The following SINHCAF variants were observed in gnomAD, a reference collection of about 807,000 sequenced individuals.
The protein encoded by SINHCAF is SIN3-HDAC complex associated factor.
Under a neutral mutation model 25.8 loss-of-function variants are expected in SINHCAF, and 3 were observed. The ratio of observed to expected loss-of-function variants is 0.12; its 90% CI spans 0.05 to 0.30. The LOEUF is 0.30. Ranked by LOEUF, SINHCAF falls within the 10% of genes least tolerant of loss-of-function variation. SINHCAF has a pLI of 1.00. For synonymous variants in SINHCAF, 70 were observed against 85.5 expected (o/e 0.82, Z 1.00); for missense variants, 121 against 262.3 (o/e 0.46, Z 3.72).
In SINHCAF at chr12:31,281,614, T is replaced by C. The variant is rs968598786; in HGVS notation, c.*1098A>G. ...ATGTGCCCCAAGAAGCATTAACCTTTGTTTTGTGCCATCCTGAAGACTTGC... is the reference window on the plus strand; with the variant it reads ...ATGTGCCCCAAGAAGCATTAACCTTCGTTTTGTGCCATCCTGAAGACTTGC... On this transcript the variant is annotated 3_prime_UTR_variant, in exon 6 of 6. Coordinates refer to ENST00000337682, the MANE Select transcript of SINHCAF (RefSeq NM_001135812.2). 4.6e-5 allele frequency: 7 copies of C among 152,222 alleles called. No homozygotes were observed. The highest frequency in any genetic ancestry group is 2.1e-4 in the South Asian group (1 of 4,834). 9.4% of individuals were successfully genotyped at this position (152,222 alleles called of 1,614,324 possible).
intron 4 of SINHCAF, among the ~76,000 whole-genome samples, chr12:31,293,150 C>T (rs1238662358): frequency 6.6e-6 from 1 of 151,850 alleles, no homozygotes; most frequent in Admixed American, 6.7e-5. Flanking sequence ...CTCCTTCAAA[C>T]CCCAAGGGTA....
intron 5 of SINHCAF, among the ~76,000 whole-genome samples, chr12:31,285,037 C>T (rs1041848342): frequency 6.6e-6 from 1 of 152,174 alleles, no homozygotes; most frequent in African/African-American, 2.4e-5. Context: ...CCCTAACAGT[C>T]AGTTTAATAA....
Position 31,296,015 on chromosome 12 carries a change from T to C in SINHCAF, c.129-682A>G, listed in dbSNP as rs908365731. 5.3e-5 allele frequency among the ~76,000 whole-genome samples: 8 copies of C among 152,004 alleles called. No individual in the cohort carries two copies. The East Asian group carries it at 1.4e-3, about 26-fold the overall frequency. ...GGGCAACACAAGGAGACCCCATCTC[T>C]ACTTTAAAATTTTTTTTTTTAATTT... is the stretch of plus-strand genomic sequence containing the variant. On this transcript the variant is annotated intron_variant, in intron 2 of 5. Coordinates refer to ENST00000337682, the MANE Select transcript of SINHCAF (RefSeq NM_001135812.2).
chr12:31,296,642 C>G (rs1299770821), intron 2 of SINHCAF, among the ~76,000 whole-genome samples: 1 of 151,766 alleles, frequency 6.6e-6, no homozygotes, highest in African/African-American at 2.4e-5. Context: ...GCTGAGGCAG[C>G]CGGGAGTTCG....
chr12:31,313,040 T>A (rs1409401227), intron 1 of SINHCAF, among the ~76,000 whole-genome samples: 1 of 152,200 alleles, frequency 6.6e-6, no homozygotes, highest in East Asian at 1.9e-4. Flanking sequence ...TTCTTTTTTT[T>A]TGAGACGCAG....
intron 1 of SINHCAF, among the ~76,000 whole-genome samples, chr12:31,312,713 C>G (rs527357745): frequency 6.6e-6 from 1 of 152,268 alleles, no homozygotes; most frequent in South Asian, 2.1e-4. Flanking sequence ...TTACTCTGTT[C>G]ACTGTTACTC....
chr12:31,306,959 C>T (rs753615485), intron 1 of SINHCAF, among the ~76,000 whole-genome samples: 5 of 152,154 alleles, frequency 3.3e-5, no homozygotes, highest in Non-Finnish European at 7.3e-5. Flanking sequence ...TTAACCTTAC[C>T]ACCTTCTCCC....
rs150073655 is a variant in SINHCAF, at chr12:31,302,989, T to A, written c.-20-4765A>T. 4.2e-5 allele frequency: 41 copies of A among 985,414 alleles called. No homozygotes were observed. The African/African-American group carries it at 7.0e-4, about 17-fold the overall frequency. 61.0% of individuals were successfully genotyped at this position (985,414 alleles called of 1,614,324 possible). On this transcript the variant is annotated intron_variant, in intron 1 of 5. Transcript: ENST00000337682. ...CTTGGCTCACTTTTCTCTTTTCTTC[T>A]GACACTATCATCAATCATCTATCTG...
At chr12:31,317,301 A>T (rs1232871578) in intron 1 of SINHCAF, among the ~76,000 whole-genome samples, 2 of 151,866 alleles carry the variant, frequency 1.3e-5, no homozygotes, top group African/African-American at 4.8e-5. Context: ...TCTAATTATC[A>T]TTTTTTTCTT....
At position 31,324,703 on chromosome 12, in the gene SINHCAF, G is replaced by A. The variant is rs902064874; in HGVS notation, c.-21+1321C>T. The A allele has an allele frequency of 6.0e-6, 2 of 335,722 alleles. No individual in the cohort carries two copies. Among genetic ancestry groups the A allele is most frequent in the Non-Finnish European group, 1.2e-5 (2 of 168,934 alleles). The allele number at this position is 335,722 out of a possible 1,614,324, so 20.8% of individuals were successfully genotyped here. Reference sequence around the variant, plus strand: ...GCCTACGTGCAGCATCAGGGATGTCGGAGCGTTTCGCAGGGGCCGGACACT... The same window carrying A: ...GCCTACGTGCAGCATCAGGGATGTCAGAGCGTTTCGCAGGGGCCGGACACT... On this transcript the variant is annotated intron_variant, in intron 1 of 5. Transcript: ENST00000337682. The surrounding 1 kb of genome is among the most constrained non-coding windows in gnomAD (Gnocchi z 5.5).
intron 1 of SINHCAF, among the ~76,000 whole-genome samples, chr12:31,310,678 T>C (rs968828139): frequency 1.3e-5 from 2 of 152,174 alleles, no homozygotes; most frequent in African/African-American, 2.4e-5. Context: ...TCATGTGACA[T>C]TTGACAAGAG....
At chr12:31,295,516 C>A (rs931419528) in intron 2 of SINHCAF, among the ~76,000 whole-genome samples, 183 bp from the exon 3 acceptor site, 6 of 152,110 alleles carry the variant, frequency 3.9e-5, no homozygotes, top group Non-Finnish European at 1.5e-5. Flanking sequence ...CTTCTAGATT[C>A]AACAAACCAA....
intron 4 of SINHCAF, among the ~76,000 whole-genome samples, chr12:31,290,261 C>G (rs1297016355): frequency 6.6e-6 from 1 of 152,000 alleles, no homozygotes; most frequent in African/African-American, 2.4e-5. Flanking sequence ...CATGCCTCAG[C>G]CTCTCGAGTA....
intron 1 of SINHCAF, among the ~76,000 whole-genome samples, chr12:31,308,325 G>A (rs1362484574): frequency 6.6e-6 from 1 of 152,064 alleles, no homozygotes; most frequent in Non-Finnish European, 1.5e-5. Flanking sequence ...CTTTAAACAG[G>A]TACAAAAGGG....
At chr12:31,302,057 A>G (rs4931477) in intron 1 of SINHCAF, among the ~76,000 whole-genome samples, 79,992 of 151,922 alleles carry the variant, frequency 0.53, 21,245 homozygotes, top group East Asian at 0.64. Flanking sequence ...CATATCACTC[A>G]GCACTATGTT....
Position 31,324,902 on chromosome 12 carries a change from G to A in SINHCAF, c.-21+1122C>T. On this transcript the variant is annotated intron_variant, in intron 1 of 5. Transcript: ENST00000337682. This position sits in a 1 kb window ranked among gnomAD's most constrained non-coding sequence, Gnocchi z 5.5. ...GCGGAGAGTTGGCGACTTTCACTCTGCTTTTTAAACTGGCAAGACGCCATC... is the reference window on the plus strand; with the variant it reads ...GCGGAGAGTTGGCGACTTTCACTCTACTTTTTAAACTGGCAAGACGCCATC... 2.2e-6 allele frequency: 1 copy of A among 450,958 alleles called. No homozygotes were observed. The highest frequency in any genetic ancestry group is 4.5e-6 in the Non-Finnish European group (1 of 222,936). The allele number at this position is 450,958 out of a possible 1,614,324, so 27.9% of individuals were successfully genotyped here.
intron 2 of SINHCAF, among the ~76,000 whole-genome samples, chr12:31,297,381 A>G (rs1938592207): frequency 6.6e-6 from 1 of 151,690 alleles, no homozygotes; most frequent in East Asian, 1.9e-4. Context: ...GCTGGTTTCA[A>G]GCTCCTGGGC....
At chr12:31,289,800 G>GT (rs11303569) in intron 4 of SINHCAF, among the ~76,000 whole-genome samples, 491 of 146,414 alleles carry the variant, frequency 3.4e-3, no homozygotes, top group East Asian at 0.013. Context: ...GAAAATTTGG[G>GT]TTTTTTTTTT....
At chr12:31,319,224 T>A (rs1016416663) in intron 1 of SINHCAF, among the ~76,000 whole-genome samples, 6 of 152,198 alleles carry the variant, frequency 3.9e-5, no homozygotes, top group Admixed American at 3.9e-4. Context: ...TAATCCTGTT[T>A]CCTCATCTAT....
Sources: allele counts gnomAD v4.1 joint callset (sites outside exome capture counted in the v4.1 genomes callset), GRCh38; gene constraint gnomAD v4.1.1; non-coding constraint Gnocchi (gnomAD v3.1); transcripts MANE v1.5; gene names NCBI Gene and HGNC (gene_info 2026-07-23, HGNC 2026-07-21).